DIP2C: variants seen among roughly 807,000 people sequenced by gnomAD.
DIP2C encodes DIP2 acetate--CoA ligase C (putative), also known as disco-interacting protein 2 homolog C.
DIP2C carries 33 observed loss-of-function variants against 192.4 expected under a neutral mutation model. That is an observed-to-expected ratio of 0.17 (90% CI 0.13 to 0.23). DIP2C has a LOEUF of 0.23. Ranked by LOEUF, DIP2C falls within the 10% of genes least tolerant of loss-of-function variation. DIP2C has a pLI of 1.00. For synonymous variants in DIP2C, 979 were observed against 864.1 expected, an observed-to-expected ratio of 1.13 and a Z score of -2.33; for missense variants, 1,537 against 2,110.1, an observed-to-expected ratio of 0.73 and a Z score of 5.32.
intron 1 of DIP2C, chr10:663,233 GAATAGAA>G: frequency 3.3e-6 from 1 of 305,972 alleles, no homozygotes; most frequent in Non-Finnish European, 6.0e-6. Flanking sequence ...CCAACTAAAT[GAATAGAA>G]AGATCTACAA....
intron 1 of DIP2C, among the ~76,000 whole-genome samples, chr10:573,343 A>G: frequency 6.6e-6 from 1 of 152,214 alleles, no homozygotes; most frequent in East Asian, 1.9e-4. Context: ...AATAAAAGAC[A>G]AACATAACTG....
intron 1 of DIP2C, among the ~76,000 whole-genome samples, chr10:557,425 C>T (rs1418010456): frequency 1.3e-5 from 2 of 151,552 alleles, no homozygotes; most frequent in Non-Finnish European, 2.9e-5. Context: ...GTTTTGGAGT[C>T]ACTTGTCACA....
At chr10:683,466 C>T (rs1831202423) in intron 1 of DIP2C, among the ~76,000 whole-genome samples, 1 of 152,128 alleles carries the variant, frequency 6.6e-6, no homozygotes, top group Non-Finnish European at 1.5e-5. Context: ...AGATTAAAGC[C>T]CTGGAGGTGG....
At chr10:583,787 C>T (rs1165813985) in intron 1 of DIP2C, among the ~76,000 whole-genome samples, 10 of 152,308 alleles carry the variant, frequency 6.6e-5, no homozygotes, top group Admixed American at 1.3e-4. Flanking sequence ...TCCACCCGAT[C>T]GCTCCAAAAC....
intron 1 of DIP2C, among the ~76,000 whole-genome samples, chr10:674,789 T>TATATATATAGAGAGAGAGAGAGAGAG: frequency 8.0e-5 from 5 of 62,484 alleles, no homozygotes; most frequent in African/African-American, 2.7e-4. Flanking sequence ...TATATATATA[T>TATATATATAGAGAGAGAGAGAGAGAG]AGAGAGAGAG....
At chr10:340,706 G>A (rs749327867) in intron 29 of DIP2C, 5 of 455,730 alleles carry the variant, frequency 1.1e-5, no homozygotes, top group Admixed American at 7.1e-5. Context: ...AGCACCTGCT[G>A]TAAGCCAGGC....
rs1422808325 is a variant in DIP2C, at chr10:487,577, T to G, written c.86-1047A>C. On this transcript the variant is annotated intron_variant, in intron 1 of 36. Coordinates refer to ENST00000280886, the MANE Select transcript of DIP2C (RefSeq NM_014974.3). ...CGCCCATCAATGAGTGTTTTTTTTT[T>G]TTTTTTTTTTTTTTTTTTTTGAGAC... Among the ~76,000 whole-genome samples, 7 of 125,586 alleles carry G rather than the reference T, an allele frequency of 5.6e-5. No individual in the cohort carries two copies. In the East Asian group the frequency reaches 9.1e-4, roughly 16 times the overall value. The allele number at this position is 125,586 out of a possible 152,430, so 82.4% of individuals were successfully genotyped here. A position where few individuals can be genotyped will look rare whatever the true frequency, so the allele number is the denominator to read the frequency against.
intron 6 of DIP2C, among the ~76,000 whole-genome samples, chr10:418,593 A>G (rs1365186483): frequency 6.6e-6 from 1 of 152,188 alleles, no homozygotes; most frequent in Admixed American, 6.5e-5. Flanking sequence ...GCCTGTTACC[A>G]AGTCACCGAT....
chr10:351,800 G>A (rs1293370348), intron 24 of DIP2C, among the ~76,000 whole-genome samples: 2 of 152,078 alleles, frequency 1.3e-5, no homozygotes, highest in Non-Finnish European at 2.9e-5. Context: ...CCTGTTCACA[G>A]CAACCAGCCC....
At chr10:420,031 G>A (rs1480860124) in intron 5 of DIP2C, among the ~76,000 whole-genome samples, 2 of 152,140 alleles carry the variant, frequency 1.3e-5, no homozygotes, top group South Asian at 2.1e-4. Flanking sequence ...GCCACGATGC[G>A]GATCGCGATC....
chr10:519,205 C>T (rs1846544037), intron 1 of DIP2C, among the ~76,000 whole-genome samples: 1 of 152,228 alleles, frequency 6.6e-6, no homozygotes, highest in Non-Finnish European at 1.5e-5. Flanking sequence ...AGGGTCTGCA[C>T]AGCCACTAGC....
At chr10:398,304 C>T (rs959044257) in intron 10 of DIP2C, among the ~76,000 whole-genome samples, 2 of 152,156 alleles carry the variant, frequency 1.3e-5, no homozygotes, top group East Asian at 3.9e-4. Context: ...TCCACAACCC[C>T]GAACCCTAAG....
Position 517,081 on chromosome 10 carries a change from T to C in DIP2C, c.86-30551A>G, listed in dbSNP as rs560175106. ...TCAGGTCTAGTGGCACAGTCAAACG[T>C]TGACAGACTCCATGGAAACACGGAC... On this transcript the variant is annotated intron_variant, in intron 1 of 36. Transcript: ENST00000280886. 2.2e-3 allele frequency among the ~76,000 whole-genome samples: 327 copies of C among 151,960 alleles called. 1 individual carries two copies. Among genetic ancestry groups the C allele is most frequent in the Middle Eastern group, 0.014 (4 of 294 alleles).
chr10:413,754 G>A (rs746086762), intron 8 of DIP2C, among the ~76,000 whole-genome samples, 159 bp downstream of exon 8: 2 of 151,422 alleles, frequency 1.3e-5, no homozygotes, highest in African/African-American at 4.9e-5. Flanking sequence ...ACTGAGCTTC[G>A]TGCGTTCGGG....
At chr10:600,159 G>A (rs1312525397) in intron 1 of DIP2C, among the ~76,000 whole-genome samples, 4 of 152,288 alleles carry the variant, frequency 2.6e-5, no homozygotes, top group South Asian at 2.1e-4. Context: ...AGAAGGAATC[G>A]TGGAAATAAG....
chr10:414,466 A>C (rs1412228728), intron 7 of DIP2C, among the ~76,000 whole-genome samples: 6 of 152,108 alleles, frequency 3.9e-5, no homozygotes, highest in African/African-American at 1.4e-4. Flanking sequence ...TTGGACCCCA[A>C]ATTGCTTAAA....
chr10:351,235 C>T (rs974912172), intron 24 of DIP2C, among the ~76,000 whole-genome samples: 1 of 152,202 alleles, frequency 6.6e-6, no homozygotes, highest in Non-Finnish European at 1.5e-5. Flanking sequence ...CTGGGAAAAG[C>T]ACGTCAGCCT....
chr10:547,708 A>G (rs1848357789), intron 1 of DIP2C, among the ~76,000 whole-genome samples: 1 of 152,226 alleles, frequency 6.6e-6, no homozygotes, highest in African/African-American at 2.4e-5. Flanking sequence ...GATGATGACC[A>G]CGTGCTTTTC....
intron 1 of DIP2C, among the ~76,000 whole-genome samples, chr10:612,661 G>A (rs1853174724): frequency 6.6e-6 from 1 of 152,146 alleles, no homozygotes; most frequent in East Asian, 1.9e-4. Context: ...CCCGGCCACA[G>A]CTCACATCAG....
Sources: gnomAD v4.1 joint callset for allele counts (sites outside exome capture counted in the v4.1 genomes callset) on GRCh38, gnomAD v4.1.1 for gene constraint, MANE v1.5 for transcripts, NCBI Gene and HGNC (gene_info 2026-07-23, HGNC 2026-07-21) for gene names.